TWF1: variants seen among roughly 807,000 people sequenced by gnomAD.
The protein encoded by TWF1 is twinfilin actin binding protein 1.
Under a neutral mutation model 47.9 loss-of-function variants are expected in TWF1, and 14 were observed. That is an observed-to-expected ratio of 0.29 (90% CI 0.19 to 0.46). The LOEUF (loss-of-function observed/expected upper bound fraction) is 0.46, where lower values mean the gene tolerates loss of function less well. TWF1 is among the 20% of genes least tolerant of loss of function. The pLI is 1.00. For synonymous variants in TWF1, 96 were observed against 139.2 expected (o/e 0.69, Z 2.18); for missense variants, 281 against 409.3 (o/e 0.69, Z 2.70).
intron 1 of TWF1, chr12:43,805,702 T>G: frequency 1.1e-6 from 1 of 925,054 alleles, no homozygotes; most frequent in South Asian, 1.3e-5. Flanking sequence ...CTCATTTTCC[T>G]ATTTGGAGAG....
Position 43,797,051 on chromosome 12 carries a change from C to G in TWF1, c.807G>C (p.Arg269=), listed in dbSNP as rs147143603. 3 of 1,611,048 alleles carry G rather than the reference C, an allele frequency of 1.9e-6. No homozygotes were observed. The highest frequency in any genetic ancestry group is 2.5e-6 in the Non-Finnish European group (3 of 1,178,476). ...MPGYTCSIRE[R]MLYSSCKSRL... is the part of the protein sequence containing the mutation. ...GGCTCTTGCAGCTAGAATACAGCAT[C>G]CGCTCTCTTATACTGCATGTGTATC... The change falls in exon 8 of 9, where the codon CGG becomes CGC. Residue 269 remains arginine (R), a synonymous_variant. Coordinates refer to ENST00000395510, the MANE Select transcript of TWF1 (RefSeq NM_002822.5).
intron 2 of TWF1, chr12:43,804,110 T>C: frequency 6.2e-6 from 2 of 321,766 alleles, no homozygotes; most frequent in South Asian, 2.4e-5. Flanking sequence ...ATATCCTTTG[T>C]TTATATTTAA....
Position 43,793,985 on chromosome 12 carries a change from A to C in TWF1, c.*1600T>G, listed in dbSNP as rs1473896991. On this transcript the variant is annotated 3_prime_UTR_variant, in exon 9 of 9. Coordinates refer to ENST00000395510, the MANE Select transcript of TWF1 (RefSeq NM_002822.5). Reference sequence around the variant, plus strand: ...TATTCTGGAATGTCCATTTACTTTAATGTAGTGTAGTGGAATTTAGAGTAT... The same window carrying C: ...TATTCTGGAATGTCCATTTACTTTACTGTAGTGTAGTGGAATTTAGAGTAT... 2.9e-4 allele frequency: 45 copies of C among 152,742 alleles called. No homozygotes were observed. Among genetic ancestry groups the C allele is most frequent in the African/African-American group, 1.1e-3 (45 of 41,578 alleles). 9.5% of individuals were successfully genotyped at this position (152,742 alleles called of 1,614,324 possible). A position where few individuals can be genotyped will look rare whatever the true frequency, so the allele number is the denominator to read the frequency against.
At chr12:43,796,895 A>G in intron 8 of TWF1, 81 bp downstream of exon 8, 2 of 1,372,958 alleles carry the variant, frequency 1.5e-6, no homozygotes, top group Non-Finnish European at 2.0e-6. Context: ...TTTCATTTAT[A>G]AATCACAGTA....
chr12:43,803,729 T>A (rs1942704574), intron 2 of TWF1, among the ~76,000 whole-genome samples: 1 of 152,106 alleles, frequency 6.6e-6, no homozygotes, highest in Admixed American at 6.5e-5. Context: ...TGTAAACAAA[T>A]GCATATTTTA....
chr12:43,795,649 GC>G lies in TWF1; in HGVS notation c.988del (p.Ala330GlnfsTer9), dbSNP rs1942536226. 6.2e-7 allele frequency: 1 copy of G among 1,613,016 alleles called. No homozygotes were observed. Among genetic ancestry groups the G allele is most frequent in the African/African-American group, 1.3e-5 (1 of 74,868 alleles). On this transcript the variant is annotated frameshift_variant, in exon 9 of 9. Coordinates refer to ENST00000395510, the MANE Select transcript of TWF1 (RefSeq NM_002822.5). LOFTEE classifies it high-confidence loss of function. ...KQSFAKPKGP[A>X]GKRGIRRLIR... ...TAGTCTTCGAATTCCTCTTTTTCCTGCAGGACCTTTTGGTTTTGCAAAACTT... is the reference window on the plus strand; with the variant it reads ...TAGTCTTCGAATTCCTCTTTTTCCTGAGGACCTTTTGGTTTTGCAAAACTT...
Position 43,795,628 on chromosome 12 carries a change from C to T in TWF1, c.1010G>A (p.Arg337Lys), listed in dbSNP as rs758446308. 7.4e-6 allele frequency: 12 copies of T among 1,612,434 alleles called. No homozygotes were observed. The highest frequency in any genetic ancestry group is 3.3e-5 in the Admixed American group (2 of 59,992). ...KGPAGKRGIRRLIRGPAETEA... is the reference protein window; with the variant it reads ...KGPAGKRGIRKLIRGPAETEA... ...AGTTTCCGCTGGGCCCCTAATTAGTCTTCGAATTCCTCTTTTTCCTGCAGG... is the reference window on the plus strand; with the variant it reads ...AGTTTCCGCTGGGCCCCTAATTAGTTTTCGAATTCCTCTTTTTCCTGCAGG... The change falls in exon 9 of 9, where the codon AGA becomes AAA. Residue 337 changes from arginine (R) to lysine (K), a missense_variant. Physicochemically the swap from Arg to Lys is conservative, Grantham distance 26. Coordinates refer to ENST00000395510, the MANE Select transcript of TWF1 (RefSeq NM_002822.5).
chr12:43,798,508 T>A, intron 5 of TWF1: 1 of 1,446,268 alleles, frequency 6.9e-7, no homozygotes, highest in South Asian at 1.4e-5. Context: ...ATGGAGATTC[T>A]ACAGCATAAA....
At chr12:43,800,650 A>T in intron 3 of TWF1, 120 bp from the exon 4 acceptor site, 3 of 701,190 alleles carry the variant, frequency 4.3e-6, no homozygotes, top group Non-Finnish European at 7.2e-6. Context: ...GCTGAAGTCC[A>T]CCCACTATAA....
In TWF1 at chr12:43,795,764, G is replaced by C; in HGVS notation, c.883-9C>G. ...CCATTGTCTATCTCGATCTGTAAAA[G>C]ATAAAATTAGAAGCACAACATTCAA... On this transcript the variant is annotated splice_polypyrimidine_tract_variant and intron_variant, in intron 8 of 8. Transcript: ENST00000395510. 6.2e-7 allele frequency: 1 copy of C among 1,611,242 alleles called. No individual in the cohort carries two copies. The highest frequency in any genetic ancestry group is 1.1e-5 in the South Asian group (1 of 90,934).
At chr12:43,799,810 C>A (rs535213880) in intron 4 of TWF1, among the ~76,000 whole-genome samples, 42 of 152,146 alleles carry the variant, frequency 2.8e-4, no homozygotes, top group African/African-American at 9.4e-4. Context: ...CTGTAATTAA[C>A]CTTCTGGAGA....
chr12:43,798,327 G>A (rs921947385), intron 5 of TWF1, among the ~76,000 whole-genome samples: 5 of 152,062 alleles, frequency 3.3e-5, no homozygotes, highest in African/African-American at 9.7e-5. Flanking sequence ...AGACTTAAGA[G>A]ATTTCTTTAC....
chr12:43,804,059 T>A (rs1942711053), intron 2 of TWF1: 1 of 216,392 alleles, frequency 4.6e-6, no homozygotes, highest in Admixed American at 5.3e-5. Context: ...TGATCATTTC[T>A]GTGGCAAAGG....
chr12:43,797,284 A>C lies in TWF1; in HGVS notation c.760+18T>G. On this transcript the variant is annotated intron_variant, in intron 7 of 8. Coordinates refer to ENST00000395510, the MANE Select transcript of TWF1 (RefSeq NM_002822.5). ...AAACAAACTGAAAGTAATGTGTTAA[A>C]AACAATGTATCATATACCTATGGAC... The C allele has an allele frequency of 6.4e-7, 1 of 1,565,176 alleles. No individual in the cohort carries two copies. Among genetic ancestry groups the C allele is most frequent in the Non-Finnish European group, 8.6e-7 (1 of 1,158,124 alleles).
At position 43,797,232 on chromosome 12, in the gene TWF1, G is replaced by A. The variant is rs1198409707; in HGVS notation, c.760+70C>T. The A allele has an allele frequency of 1.1e-5, 17 of 1,495,758 alleles. No individual in the cohort carries two copies. In the Admixed American group the frequency reaches 3.6e-4, roughly 32 times the overall value. 92.7% of individuals were successfully genotyped at this position (1,495,758 alleles called of 1,614,324 possible). A position where few individuals can be genotyped will look rare whatever the true frequency, so the allele number is the denominator to read the frequency against. On this transcript the variant is annotated intron_variant, in intron 7 of 8. Transcript: ENST00000395510. ...GCTAAGCCCTCTGGGCAAGAAATAA[G>A]TAAGAATATAGGGCTGATACACCAA...
chr12:43,801,506 C>A (rs1208832766), intron 3 of TWF1, among the ~76,000 whole-genome samples: 1 of 152,040 alleles, frequency 6.6e-6, no homozygotes, highest in African/African-American at 2.4e-5. Context: ...GGGCCATATT[C>A]ATATATTAAT....
chr12:43,804,334 C>A, intron 2 of TWF1, 161 bp downstream of exon 2: 1 of 598,198 alleles, frequency 1.7e-6, no homozygotes, highest in Middle Eastern at 2.6e-4. Flanking sequence ...AATTAGGGGC[C>A]CATAGGGACC....
rs1433631654 is a variant in TWF1, at chr12:43,794,145, G to C, written c.*1440C>G. ...GGATTCTTAATGCAATAATTTGGGT[G>C]TATGTGTGTCTGTCTACGTGTACAC... On this transcript the variant is annotated 3_prime_UTR_variant, in exon 9 of 9. Coordinates refer to ENST00000395510, the MANE Select transcript of TWF1 (RefSeq NM_002822.5). 2 of 152,570 alleles carry C rather than the reference G, an allele frequency of 1.3e-5. No individual in the cohort carries two copies. The highest frequency in any genetic ancestry group is 2.9e-5 in the Non-Finnish European group (2 of 68,016). 9.5% of individuals were successfully genotyped at this position (152,570 alleles called of 1,614,324 possible). A position where few individuals can be genotyped will look rare whatever the true frequency, so the allele number is the denominator to read the frequency against.
chr12:43,795,048 G>T lies in TWF1; in HGVS notation c.*537C>A, dbSNP rs1015232341. 6.6e-6 allele frequency: 1 copy of T among 152,070 alleles called. No homozygotes were observed. Among genetic ancestry groups the T allele is most frequent in the Non-Finnish European group, 1.5e-5 (1 of 68,038 alleles). The allele number at this position is 152,070 out of a possible 1,614,324, so 9.4% of individuals were successfully genotyped here. A position where few individuals can be genotyped will look rare whatever the true frequency, so the allele number is the denominator to read the frequency against. ...TATTAAAAAAAAGTCAAATATAAAA[G>T]ACTGCTGCAATATAAAGCACTATTT... On this transcript the variant is annotated 3_prime_UTR_variant, in exon 9 of 9. Coordinates refer to ENST00000395510, the MANE Select transcript of TWF1 (RefSeq NM_002822.5).
Sources: allele counts gnomAD v4.1 joint callset (sites outside exome capture counted in the v4.1 genomes callset), GRCh38; gene constraint gnomAD v4.1.1; transcripts MANE v1.5; gene names NCBI Gene and HGNC (gene_info 2026-07-23, HGNC 2026-07-21).